The following ITPR2 variants were observed in gnomAD, a reference collection of about 807,000 sequenced individuals.
ITPR2 encodes the protein inositol 1,4,5-trisphosphate-gated calcium channel ITPR2.
Under a neutral mutation model 317.1 loss-of-function variants are expected in ITPR2, and 207 were observed. The ratio of observed to expected loss-of-function variants is 0.65; its 90% CI spans 0.58 to 0.73. ITPR2 has a LOEUF of 0.73. ITPR2 is among the 30% of genes least tolerant of loss of function. ITPR2 has a pLI of 0.00. For missense variants in ITPR2, 2,613 were observed against 3,284.0 expected (o/e 0.80, Z 4.99); for synonymous variants, 1,156 against 1,149.1 (o/e 1.01, Z -0.12).
intron 45 of ITPR2, among the ~76,000 whole-genome samples, chr12:26,474,770 G>A (rs1402381206): frequency 1.4e-5 from 2 of 144,576 alleles, no homozygotes; most frequent in African/African-American, 5.1e-5. Context: ...CTCCAGCCTG[G>A]GCGACAGAGC....
Position 26,338,733 on chromosome 12 carries a change from C to A in ITPR2, c.*664G>T, listed in dbSNP as rs1395133927. ...CCTTTTGTGCTCCACATTGACAGAG[C>A]CTGTCTGAATCCCAGAGAAGGCAAT... On this transcript the variant is annotated 3_prime_UTR_variant, in exon 57 of 57. Coordinates refer to ENST00000381340, the MANE Select transcript of ITPR2 (RefSeq NM_002223.4). 6.6e-6 allele frequency: 1 copy of A among 152,120 alleles called. No homozygotes were observed. Among genetic ancestry groups the A allele is most frequent in the Non-Finnish European group, 1.5e-5 (1 of 68,016 alleles). The allele number at this position is 152,120 out of a possible 1,614,324, so 9.4% of individuals were successfully genotyped here.
At chr12:26,729,148 A>G (rs34691169) in intron 2 of ITPR2, among the ~76,000 whole-genome samples, 34,068 of 152,132 alleles carry the variant, frequency 0.22, 3,978 homozygotes, top group African/African-American at 0.25. Flanking sequence ...AAAGTGGGCA[A>G]AGGACATGAA....
At chr12:26,523,976 C>G (rs114040159) in intron 37 of ITPR2, among the ~76,000 whole-genome samples, 43 of 152,160 alleles carry the variant, frequency 2.8e-4, no homozygotes, top group Non-Finnish European at 5.4e-4. Flanking sequence ...TTAATCTGCA[C>G]GGAGTGTGCA....
intron 52 of ITPR2, 107 bp downstream of exon 52, chr12:26,411,213 A>T: frequency 1.4e-6 from 1 of 716,526 alleles, no homozygotes. Context: ...CTTCTATTTC[A>T]ATCCATCATG....
At chr12:26,736,391 A>AT (rs927194245) in intron 2 of ITPR2, among the ~76,000 whole-genome samples, 39 of 152,240 alleles carry the variant, frequency 2.6e-4, no homozygotes, top group African/African-American at 6.0e-4. Context: ...TAAAATCTAG[A>AT]TTTTTTTTAA....
chr12:26,725,871 A>C, intron 2 of ITPR2, 106 bp from the exon 3 acceptor site: 4 of 728,278 alleles, frequency 5.5e-6, no homozygotes, highest in Non-Finnish European at 9.5e-6. Context: ...ATTATACAGA[A>C]CAGTTAAAAG....
intron 55 of ITPR2, among the ~76,000 whole-genome samples, chr12:26,365,302 G>GT (rs1379540241): frequency 2.0e-5 from 3 of 152,150 alleles, no homozygotes; most frequent in East Asian, 3.8e-4. Flanking sequence ...AATTTTTAAC[G>GT]TAAGAGTAGG....
chr12:26,764,561 T>C (rs926097745), intron 2 of ITPR2, among the ~76,000 whole-genome samples: 2 of 152,076 alleles, frequency 1.3e-5, no homozygotes, highest in African/African-American at 4.8e-5. Flanking sequence ...GCAACAAGTA[T>C]ACTTATGTAA....
chr12:26,531,684 A>AC (rs763717150), intron 37 of ITPR2, among the ~76,000 whole-genome samples: 14,120 of 131,472 alleles, frequency 0.11, 767 homozygotes, highest in Non-Finnish European at 0.14. Flanking sequence ...CACACACACA[A>AC]GTGTGTATCT....
At chr12:26,772,662 C>T (rs183932003) in intron 2 of ITPR2, among the ~76,000 whole-genome samples, 10 of 150,018 alleles carry the variant, frequency 6.7e-5, no homozygotes, top group Admixed American at 3.4e-4. Flanking sequence ...ACTTCATACA[C>T]TGAATTGCAC....
intron 2 of ITPR2, among the ~76,000 whole-genome samples, chr12:26,744,172 A>C (rs1949280671): frequency 6.6e-6 from 1 of 152,186 alleles, no homozygotes; most frequent in African/African-American, 2.4e-5. Flanking sequence ...CACCTTACTC[A>C]AAGCAAAAGC....
At chr12:26,636,692 G>A (rs1483048025) in intron 21 of ITPR2, among the ~76,000 whole-genome samples, 2 of 152,006 alleles carry the variant, frequency 1.3e-5, no homozygotes, top group East Asian at 3.8e-4. Context: ...TAATAAAATA[G>A]ATACCAATGA....
intron 3 of ITPR2, 92 bp from the exon 4 acceptor site, chr12:26,724,834 G>A (rs1565719775): frequency 1.3e-6 from 1 of 748,882 alleles, no homozygotes; most frequent in East Asian, 2.7e-5. Flanking sequence ...CAAGACTATA[G>A]CCAGGAATAA....
chr12:26,529,418 T>C lies in ITPR2; in HGVS notation c.5073+20829A>G, dbSNP rs114371855. Among the ~76,000 whole-genome samples the C allele has an allele frequency of 7.4e-3, 1,132 of 152,306 alleles. 17 individuals are homozygous for C. The highest frequency in any genetic ancestry group is 0.026 in the African/African-American group (1,084 of 41,572). On this transcript the variant is annotated intron_variant, in intron 37 of 56. Transcript: ENST00000381340. The stretch of plus-strand genomic sequence containing the variant: ...CTAATGCAGATCTTTGGGTGTGTGC[T>C]GTTTCCTCTGCCCAGGATGGCTGCA...
intron 45 of ITPR2, among the ~76,000 whole-genome samples, chr12:26,451,054 T>G (rs137914205): frequency 1.7e-3 from 256 of 152,274 alleles, no homozygotes; most frequent in African/African-American, 5.1e-3. Context: ...CATATTATCT[T>G]GAGCAGATTT....
chr12:26,756,512 C>A (rs2137115760), intron 2 of ITPR2, among the ~76,000 whole-genome samples: 1 of 152,248 alleles, frequency 6.6e-6, no homozygotes, highest in Admixed American at 6.5e-5. Flanking sequence ...CTGTTGTAGT[C>A]TTTTTGTAGA....
chr12:26,376,048 C>T lies in ITPR2; in HGVS notation c.7857+11386G>A, dbSNP rs148849082. Among the ~76,000 whole-genome samples, 479 of 152,220 alleles carry T rather than the reference C, an allele frequency of 3.1e-3. 2 individuals are homozygous for T. Among genetic ancestry groups the T allele is most frequent in the African/African-American group, 0.011 (469 of 41,522 alleles). On this transcript the variant is annotated intron_variant, in intron 55 of 56. Transcript: ENST00000381340. Reference sequence around the variant, plus strand: ...CTTGGGAGGCCGATGCTGCAGTGAGCCAGGATCATGTCTGAGCAAAAGGGC... The same window carrying T: ...CTTGGGAGGCCGATGCTGCAGTGAGTCAGGATCATGTCTGAGCAAAAGGGC...
intron 48 of ITPR2, among the ~76,000 whole-genome samples, chr12:26,429,547 A>G (rs1226108517): frequency 6.6e-6 from 1 of 152,164 alleles, no homozygotes; most frequent in East Asian, 1.9e-4. Context: ...ACAGATCTCA[A>G]AGAGCCATAG....
At chr12:26,746,822 A>ATGTGTGTG (rs34449902) in intron 2 of ITPR2, among the ~76,000 whole-genome samples, 10 of 147,758 alleles carry the variant, frequency 6.8e-5, no homozygotes, top group South Asian at 4.4e-4. Flanking sequence ...GGGTGCATGC[A>ATGTGTGTG]TGTGTGTGTG....
Sources: gnomAD v4.1 joint callset for allele counts (sites outside exome capture counted in the v4.1 genomes callset) on GRCh38, gnomAD v4.1.1 for gene constraint, MANE v1.5 for transcripts, NCBI Gene and HGNC (gene_info 2026-07-23, HGNC 2026-07-21) for gene names.